Variants in UBR7 observed in about 807,000 individuals in gnomAD.
UBR7 encodes putative E3 ubiquitin-protein ligase UBR7.
A neutral mutation model predicts 57.0 loss-of-function variants in UBR7; 22 were observed. The observed-to-expected ratio is 0.39, with a 90% CI of 0.28 to 0.55. The LOEUF (loss-of-function observed/expected upper bound fraction) is 0.55, where lower values mean the gene tolerates loss of function less well. UBR7 is among the 20% of genes least tolerant of loss of function. The probability of loss-of-function intolerance (pLI) is 0.69; values close to 1 mark genes in which losing one functional copy is unlikely to be tolerated. For missense variants in UBR7, 395 were observed against 513.2 expected, an observed-to-expected ratio of 0.77 and a Z score of 2.23; for synonymous variants, 167 against 179.8, an observed-to-expected ratio of 0.93 and a Z score of 0.57.
At chr14:93,210,068 A>ATTTTATTTATTTATTT in intron 2 of UBR7, 111 bp downstream of exon 2, 1 of 537,964 alleles carries the variant, frequency 1.9e-6, no homozygotes, top group Non-Finnish European at 2.7e-6. Context: ...ACACTAATGA[A>ATTTTATTTATTTATTT]ATTAATTAAT....
Position 93,218,608 on chromosome 14 carries a change from A to G in UBR7, c.683A>G (p.Asn228Ser). The G allele has an allele frequency of 1.2e-6, 2 of 1,614,086 alleles. No homozygotes were observed. The highest frequency in any genetic ancestry group is 1.3e-5 in the African/African-American group (1 of 75,000). Reference protein sequence around the residue: ...IGDQEVIKPENGEHQDSTLKE... With the variant: ...IGDQEVIKPESGEHQDSTLKE... Reference sequence around the variant, plus strand: ...GATCAGGAAGTTATCAAACCTGAAAATGGAGAGCATCAAGATAGTACCCTC... The same window carrying G: ...GATCAGGAAGTTATCAAACCTGAAAGTGGAGAGCATCAAGATAGTACCCTC... Residue 228 changes from asparagine to serine, a missense_variant, in exon 7 of 11, where the codon AAT becomes AGT. Asn to Ser is a conservative substitution (Grantham distance 46). Transcript: ENST00000013070.
chr14:93,218,079 A>G (rs1330801629), intron 6 of UBR7, among the ~76,000 whole-genome samples: 2 of 140,968 alleles, frequency 1.4e-5, no homozygotes, highest in African/African-American at 5.4e-5. Context: ...GGGCAACAAG[A>G]GCGAAACTCT....
At chr14:93,211,175 G>A (rs553220888) in intron 3 of UBR7, among the ~76,000 whole-genome samples, 21 of 151,944 alleles carry the variant, frequency 1.4e-4, no homozygotes, top group Admixed American at 9.2e-4. Context: ...AGGAGGCGGA[G>A]GTTGCAGTGA....
chr14:93,216,514 T>G (rs1213970316), intron 6 of UBR7, among the ~76,000 whole-genome samples: 3 of 152,204 alleles, frequency 2.0e-5, no homozygotes, highest in African/African-American at 7.2e-5. Flanking sequence ...CTTGCCTTTC[T>G]CATCTTTAGA....
chr14:93,209,673 T>G (rs1161295808), intron 1 of UBR7, 151 bp from the exon 2 acceptor site: 1 of 982,736 alleles, frequency 1.0e-6, no homozygotes, highest in Non-Finnish European at 1.5e-6. Context: ...TGGTTGATGC[T>G]CTGTTGTGTA....
intron 4 of UBR7, among the ~76,000 whole-genome samples, chr14:93,213,972 G>T (rs553884434): frequency 6.6e-6 from 1 of 151,976 alleles, no homozygotes; most frequent in South Asian, 2.1e-4. Context: ...TGTCACCCAG[G>T]CTGGAGTACA....
intron 10 of UBR7, among the ~76,000 whole-genome samples, chr14:93,224,325 G>C (rs960330830): frequency 6.7e-6 from 1 of 150,106 alleles, no homozygotes; most frequent in Non-Finnish European, 1.5e-5. Context: ...TCAGTTTTTA[G>C]AGACTTCTTC....
At chr14:93,224,182 C>T (rs561497418) in intron 10 of UBR7, 441 of 567,544 alleles carry the variant, frequency 7.8e-4, no homozygotes, top group African/African-American at 7.4e-3. Flanking sequence ...AAGGTTAGGT[C>T]GTTTTTTTCT....
rs762511172 is a variant in UBR7, at chr14:93,215,199, G to C, written c.519G>C (p.Glu173Asp). ...HGRHLGAIPP[E>D]SGDFQEMVCQ... ...AGCATCTTGGTGCCATTCCCCCTGA[G>C]AGTGGGGATTTTCAGGAGATGGTAT... The change falls in exon 6 of 11, where the codon GAG (glutamate) becomes GAC (aspartate). Residue 173 changes from glutamate to aspartate, a missense_variant. Physicochemically the swap from Glu to Asp is conservative, Grantham distance 45. Coordinates refer to ENST00000013070, the MANE Select transcript of UBR7 (RefSeq NM_175748.4). The C allele has an allele frequency of 6.3e-7, 1 of 1,584,330 alleles. No individual in the cohort carries two copies. Among genetic ancestry groups the C allele is most frequent in the Middle Eastern group, 1.7e-4 (1 of 6,020 alleles).
Position 93,227,558 on chromosome 14 carries a change from G to A in UBR7, c.*523G>A, listed in dbSNP as rs1463261506. 6 of 699,686 alleles carry A rather than the reference G, an allele frequency of 8.6e-6. No homozygotes were observed. Among genetic ancestry groups the A allele is most frequent in the East Asian group, 5.4e-5 (2 of 37,268 alleles). The allele number at this position is 699,686 out of a possible 1,614,324, so 43.3% of individuals were successfully genotyped here. On this transcript the variant is annotated 3_prime_UTR_variant, in exon 11 of 11. Coordinates refer to ENST00000013070, the MANE Select transcript of UBR7 (RefSeq NM_175748.4). ...TCACGTCCCTGTTTTCTGAGGTTTG[G>A]TCATAGCTTAGAAAGGATCTTGGGG...
Position 93,214,944 on chromosome 14 carries a change from A to T in UBR7, c.457A>T (p.Ile153Phe). 6.2e-7 allele frequency: 1 copy of T among 1,613,866 alleles called. No individual in the cohort carries two copies. Among genetic ancestry groups the T allele is most frequent in the Non-Finnish European group, 8.5e-7 (1 of 1,179,884 alleles). The change falls in exon 5 of 11, where the codon ATC becomes TTC. Residue 153 changes from isoleucine to phenylalanine, a missense_variant. Transcript: ENST00000013070. ...TCTCTGTTAGATTCCAGATGAGATG[A>T]TCCAGTGCGTAGTCTGTGAAGACTG... is the stretch of plus-strand genomic sequence containing the variant. ...DPEDEIPDEM[I>F]QCVVCEDWFH... is the part of the protein sequence containing the mutation.
chr14:93,226,517 A>G (rs1029414454), intron 10 of UBR7, among the ~76,000 whole-genome samples: 1 of 152,144 alleles, frequency 6.6e-6, no homozygotes, highest in Non-Finnish European at 1.5e-5. Context: ...TAGGCTGGGC[A>G]CGGTGGCTCA....
intron 4 of UBR7, among the ~76,000 whole-genome samples, chr14:93,214,190 G>A (rs753186421): frequency 2.6e-5 from 4 of 152,224 alleles, no homozygotes; most frequent in Non-Finnish European, 5.9e-5. Context: ...GCCTTCCAAA[G>A]TGCTGGGATT....
At chr14:93,225,845 T>C (rs904288493) in intron 10 of UBR7, among the ~76,000 whole-genome samples, 2 of 152,190 alleles carry the variant, frequency 1.3e-5, no homozygotes, top group Non-Finnish European at 2.9e-5. Flanking sequence ...CTAGAGATAT[T>C]TCCTTTTACT....
intron 6 of UBR7, among the ~76,000 whole-genome samples, 180 bp from the exon 7 acceptor site, chr14:93,218,347 G>A (rs1278864863): frequency 6.6e-6 from 1 of 152,006 alleles, no homozygotes; most frequent in African/African-American, 2.4e-5. Context: ...GGAGACAGAG[G>A]TTGCAGTGAG....
In UBR7 at chr14:93,218,799, T is replaced by A. The variant is rs1566822879; in HGVS notation, c.810+64T>A. ...GGCCAGGCGCGGTGGCTCATGCCCA[T>A]AATCCCAGCACTTTGGGAGGCTGAG... On this transcript the variant is annotated intron_variant, in intron 7 of 10. Coordinates refer to ENST00000013070, the MANE Select transcript of UBR7 (RefSeq NM_175748.4). The A allele has an allele frequency of 5.8e-6, 9 of 1,542,120 alleles. No homozygotes were observed. The Admixed American group carries it at 1.6e-4, about 27-fold the overall frequency.
chr14:93,219,381 T>C lies in UBR7; in HGVS notation c.960+20T>C, dbSNP rs150939254. The C allele has an allele frequency of 4.5e-4, 729 of 1,614,194 alleles. 1 individual carries two copies. The African/African-American group carries it at 7.8e-3, about 17-fold the overall frequency. ...TGTATGGTAAAGTATCTGATTGTGC[T>C]CAGTGTTAGCATGTTTTGTGTACTG... On this transcript the variant is annotated intron_variant, in intron 8 of 10. Transcript: ENST00000013070.
Position 93,227,087 on chromosome 14 carries a change from C to G in UBR7, c.*52C>G. On this transcript the variant is annotated 3_prime_UTR_variant, in exon 11 of 11. Transcript: ENST00000013070. ...AGCCAATGAAAATGCGCTTCCCATT[C>G]TTGGAATAAAAGAGGTGTGGTTCAC... 7.1e-7 allele frequency: 1 copy of G among 1,402,192 alleles called. No individual in the cohort carries two copies. The highest frequency in any genetic ancestry group is 1.0e-6 in the Non-Finnish European group (1 of 995,330). The allele number at this position is 1,402,192 out of a possible 1,614,324, so 86.9% of individuals were successfully genotyped here.
intron 10 of UBR7, among the ~76,000 whole-genome samples, chr14:93,222,578 A>G (rs1894731188): frequency 6.6e-6 from 1 of 152,034 alleles, no homozygotes; most frequent in Non-Finnish European, 1.5e-5. Flanking sequence ...CCCCATCTCT[A>G]CTAAAAATAC....
Sources: allele counts gnomAD v4.1 joint callset (sites outside exome capture counted in the v4.1 genomes callset), GRCh38; gene constraint gnomAD v4.1.1; transcripts MANE v1.5; gene names NCBI Gene and HGNC (gene_info 2026-07-23, HGNC 2026-07-21).